AADAT: variants seen among roughly 807,000 people sequenced by gnomAD.
The protein encoded by AADAT is kynurenine/alpha-aminoadipate aminotransferase, mitochondrial.
A neutral mutation model predicts 56.2 loss-of-function variants in AADAT; 25 were observed. That is an observed-to-expected ratio of 0.44 (90% confidence interval 0.32 to 0.62). AADAT has a LOEUF of 0.62. Among genes scored for constraint, AADAT ranks in the 20% least tolerant of loss-of-function variants. AADAT has a pLI of 0.04. For missense variants in AADAT, 387 were observed against 510.5 expected, an observed-to-expected ratio of 0.76 and a Z score of 2.33; for synonymous variants, 173 against 164.7, an observed-to-expected ratio of 1.05 and a Z score of -0.39.
chr4:170,077,895 A>G (rs1732112975), intron 4 of AADAT, among the ~76,000 whole-genome samples: 1 of 152,176 alleles, frequency 6.6e-6, no homozygotes, highest in Admixed American at 6.5e-5. Context: ...CATTCATCAT[A>G]TGATATGGCT....
intron 10 of AADAT, 122 bp from the exon 11 acceptor site, chr4:170,064,947 C>A: frequency 1.8e-5 from 11 of 626,180 alleles, no homozygotes; most frequent in East Asian, 4.3e-5. Flanking sequence ...AAAGTTCCTT[C>A]AATTATAGCA....
At chr4:170,083,314 A>C (rs920418344) in intron 3 of AADAT, among the ~76,000 whole-genome samples, 2 of 152,138 alleles carry the variant, frequency 1.3e-5, no homozygotes, top group Non-Finnish European at 2.9e-5. Flanking sequence ...GAAGGAAATT[A>C]AAAGTTTTAC....
At chr4:170,086,557 T>C (rs1347774463) in intron 3 of AADAT, among the ~76,000 whole-genome samples, 1 of 152,144 alleles carries the variant, frequency 6.6e-6, no homozygotes. Flanking sequence ...CTCAGGAATA[T>C]GAAAGCATGC....
At chr4:170,066,574 T>A (rs1731473935) in intron 9 of AADAT, 96 bp from the exon 10 acceptor site, 3 of 899,086 alleles carry the variant, frequency 3.3e-6, no homozygotes, top group East Asian at 2.4e-5. Context: ...TTGTTTTCTA[T>A]CTTGATTAAA....
In AADAT at chr4:170,060,435, T is replaced by C. The variant is rs1731140929; in HGVS notation, c.*493A>G. 1 of 152,300 alleles carries C rather than the reference T, an allele frequency of 6.6e-6. No homozygotes were observed. The highest frequency in any genetic ancestry group is 2.1e-4 in the South Asian group (1 of 4,832). The allele number at this position is 152,300 out of a possible 1,614,324, so 9.4% of individuals were successfully genotyped here. A position where few individuals can be genotyped will look rare whatever the true frequency, so the allele number is the denominator to read the frequency against. ...AATCTCAAAATAATTCAGTGTAAAATGTTAGTTTCAAAGACAATTTATGGG... is the reference window on the plus strand; with the variant it reads ...AATCTCAAAATAATTCAGTGTAAAACGTTAGTTTCAAAGACAATTTATGGG... On this transcript the variant is annotated 3_prime_UTR_variant, in exon 13 of 13. Coordinates refer to ENST00000337664, the MANE Select transcript of AADAT (RefSeq NM_016228.4).
At chr4:170,090,742 A>G (rs1380220148), upstream of AADAT, among the ~76,000 whole-genome samples, 1 of 152,106 alleles carries the variant, frequency 6.6e-6, no homozygotes, top group East Asian at 1.9e-4. Flanking sequence ...TCCTTCCTGA[A>G]TCACCAAAAT....
At chr4:170,090,891 C>A (rs1581603844), upstream of AADAT, among the ~76,000 whole-genome samples, 5 of 152,320 alleles carry the variant, frequency 3.3e-5, no homozygotes, top group South Asian at 4.1e-4. Context: ...CTGAGTACTT[C>A]CTAGATGATT....
At chr4:170,082,493 G>C (rs1324546200) in intron 3 of AADAT, among the ~76,000 whole-genome samples, 1 of 151,934 alleles carries the variant, frequency 6.6e-6, no homozygotes, top group Non-Finnish European at 1.5e-5. Context: ...AACCACAAAG[G>C]AAGACAGTAA....
At chr4:170,082,549 A>C (rs922177987) in intron 3 of AADAT, among the ~76,000 whole-genome samples, 1 of 152,198 alleles carries the variant, frequency 6.6e-6, no homozygotes, top group African/African-American at 2.4e-5. Flanking sequence ...CCAGAACACA[A>C]GCAACAAAAT....
intron 8 of AADAT, among the ~76,000 whole-genome samples, chr4:170,068,330 A>G (rs1178115782): frequency 6.6e-6 from 1 of 152,090 alleles, no homozygotes; most frequent in African/African-American, 2.4e-5. Context: ...TATTCTTGCA[A>G]CCTGAGAGGT....
Position 170,063,068 on chromosome 4 carries a change from C to T in AADAT, c.1135-1075G>A, listed in dbSNP as rs1011018161. ...CTGCTTGTTACACTGTCTGCTAAGA[C>T]AAGAGGAGTTGGGAGTGATATGATT... is the stretch of plus-strand genomic sequence containing the variant. On this transcript the variant is annotated intron_variant, in intron 11 of 12. Transcript: ENST00000337664. 3.9e-5 allele frequency among the ~76,000 whole-genome samples: 6 copies of T among 152,230 alleles called. No individual in the cohort carries two copies. The South Asian group carries it at 8.3e-4, about 21-fold the overall frequency.
chr4:170,080,642 T>C (rs933115414), intron 3 of AADAT, among the ~76,000 whole-genome samples: 1 of 152,132 alleles, frequency 6.6e-6, no homozygotes. Context: ...GGTATAATTC[T>C]TTTGCTAGCC....
chr4:170,072,969 A>G (rs984345596), intron 5 of AADAT, among the ~76,000 whole-genome samples, 167 bp downstream of exon 5: 1 of 152,202 alleles, frequency 6.6e-6, no homozygotes, highest in African/African-American at 2.4e-5. Flanking sequence ...GCAGAAATTT[A>G]TTGTGTCTAA....
At chr4:170,062,352 G>A (rs900935262) in intron 11 of AADAT, among the ~76,000 whole-genome samples, 25 of 152,120 alleles carry the variant, frequency 1.6e-4, no homozygotes, top group Admixed American at 1.2e-3. Flanking sequence ...AACTAGAAAA[G>A]TAATTTTTAA....
upstream of AADAT, among the ~76,000 whole-genome samples, chr4:170,092,530 C>T (rs536449448): frequency 2.6e-5 from 4 of 152,336 alleles, no homozygotes; most frequent in East Asian, 5.8e-4. Flanking sequence ...CGAGTGTCTG[C>T]GGCTTCGTTC....
Position 170,061,999 on chromosome 4 carries a change from A to G in AADAT, c.1135-6T>C. On this transcript the variant is annotated splice_region_variant and splice_polypyrimidine_tract_variant and intron_variant, in intron 11 of 12. Coordinates refer to ENST00000337664, the MANE Select transcript of AADAT (RefSeq NM_016228.4). Reference sequence around the variant, plus strand: ...TTTCCAGGGAGCATTAATACCTAAGAGAGTTTGTGGAAGATAAGTAATGTA... The same window carrying G: ...TTTCCAGGGAGCATTAATACCTAAGGGAGTTTGTGGAAGATAAGTAATGTA... 1 of 1,601,532 alleles carries G rather than the reference A, an allele frequency of 6.2e-7. No individual in the cohort carries two copies. Among genetic ancestry groups the G allele is most frequent in the East Asian group, 2.2e-5 (1 of 44,682 alleles).
At chr4:170,090,661 C>T (rs1732786257), upstream of AADAT, 1 of 152,100 alleles carries the variant, frequency 6.6e-6, no homozygotes, top group Non-Finnish European at 1.5e-5. Flanking sequence ...TTGGGTCTAG[C>T]ACCTTGCCTT....
chr4:170,085,485 T>C (rs978652863), intron 3 of AADAT, among the ~76,000 whole-genome samples: 1 of 152,158 alleles, frequency 6.6e-6, no homozygotes, highest in Admixed American at 6.5e-5. Flanking sequence ...AGATACATAT[T>C]AGTGCCCCTA....
At chr4:170,074,867 TAAAAAGAAAA>T (rs1731960888) in intron 4 of AADAT, among the ~76,000 whole-genome samples, 4 of 151,224 alleles carry the variant, frequency 2.6e-5, no homozygotes, top group Admixed American at 2.0e-4. Context: ...GGTTGAGCAT[TAAAAAGAAAA>T]AAAAAGGAAC....
Sources: gnomAD v4.1 joint callset for allele counts (sites outside exome capture counted in the v4.1 genomes callset) on GRCh38, gnomAD v4.1.1 for gene constraint, MANE v1.5 for transcripts, NCBI Gene and HGNC (gene_info 2026-07-23, HGNC 2026-07-21) for gene names.